Variants in VTI1A observed in about 807,000 individuals in gnomAD.
The protein encoded by VTI1A is vesicle transport through interaction with t-SNAREs 1A, also known as vesicle transport through interaction with t-SNAREs homolog 1A.
VTI1A carries 22 observed loss-of-function variants against 34.9 expected under a neutral mutation model. That is an observed-to-expected ratio of 0.63 (90% CI 0.45 to 0.90). VTI1A has a LOEUF of 0.90. VTI1A is among the 40% of genes least tolerant of loss of function. The probability of loss-of-function intolerance (pLI) is 0.00; values close to 1 mark genes in which losing one functional copy is unlikely to be tolerated. For missense variants in VTI1A, 268 were observed against 275.6 expected (o/e 0.97, Z 0.20); for synonymous variants, 87 against 97.3 (o/e 0.89, Z 0.62).
chr10:112,746,020 G>C (rs1265285580), intron 7 of VTI1A, among the ~76,000 whole-genome samples: 1 of 152,112 alleles, frequency 6.6e-6, no homozygotes, highest in Non-Finnish European at 1.5e-5. Flanking sequence ...CCACCTTAGT[G>C]CTCAGTAAGT....
chr10:112,686,300 T>C lies in VTI1A; in HGVS notation c.560+17302T>C, dbSNP rs146209028. Among the ~76,000 whole-genome samples, 717 of 152,316 alleles carry C rather than the reference T, an allele frequency of 4.7e-3. 4 individuals carry two copies. Among genetic ancestry groups the C allele is most frequent in the Middle Eastern group, 0.014 (4 of 292 alleles). On this transcript the variant is annotated intron_variant, in intron 7 of 7. Transcript: ENST00000393077. ...TCCTAGGCTCTGGCAGTTTGTGATG[T>C]AAGTTTTGGTGGTGTAAATTTTCAT...
At chr10:112,461,835 A>C (rs542509871) in intron 2 of VTI1A, among the ~76,000 whole-genome samples, 1 of 152,318 alleles carries the variant, frequency 6.6e-6, no homozygotes, top group Admixed American at 6.5e-5. Context: ...CTCATGCCTC[A>C]GTGCTCCAAG....
At chr10:112,706,845 C>A (rs2133911542) in intron 7 of VTI1A, among the ~76,000 whole-genome samples, 1 of 152,300 alleles carries the variant, frequency 6.6e-6, no homozygotes, top group East Asian at 1.9e-4. Flanking sequence ...ACCCCAGAAA[C>A]AGACCAGCAG....
rs898960010 is a variant in VTI1A at position 112,802,434 on chromosome 10, G to A, written c.561-12856G>A. Among the ~76,000 whole-genome samples the A allele has an allele frequency of 4.6e-5, 7 of 152,106 alleles. No homozygotes were observed. In the South Asian group the frequency reaches 6.2e-4, roughly 14 times the overall value. On this transcript the variant is annotated intron_variant, in intron 7 of 7. Coordinates refer to ENST00000393077, the MANE Select transcript of VTI1A (RefSeq NM_145206.4). Reference sequence around the variant, plus strand: ...GGCTGGAGAAGTGGGTTGAGGCTTCGGTTTCCTCCTCTGTAAAAATGGGGA... The same window carrying A: ...GGCTGGAGAAGTGGGTTGAGGCTTCAGTTTCCTCCTCTGTAAAAATGGGGA...
the VTI1A span, among the ~76,000 whole-genome samples, chr10:112,828,045 A>T: frequency 6.6e-6 from 1 of 152,106 alleles, no homozygotes; most frequent in Admixed American, 6.5e-5. Flanking sequence ...AGTTTCCTCT[A>T]CTGTAAAGCA....
intron 5 of VTI1A, among the ~76,000 whole-genome samples, chr10:112,629,460 C>T (rs1004715812): frequency 6.6e-6 from 1 of 152,184 alleles, no homozygotes; most frequent in South Asian, 2.1e-4. Flanking sequence ...TCTGGGATTT[C>T]CCCCACATTG....
At chr10:112,725,144 C>T (rs1484644829) in intron 7 of VTI1A, among the ~76,000 whole-genome samples, 1 of 152,198 alleles carries the variant, frequency 6.6e-6, no homozygotes, top group Admixed American at 6.5e-5. Flanking sequence ...AATCAGGCTG[C>T]AAACACAGTA....
At chr10:112,656,483 G>A (rs1590034309) in intron 5 of VTI1A, among the ~76,000 whole-genome samples, 1 of 142,540 alleles carries the variant, frequency 7.0e-6, no homozygotes, top group Admixed American at 7.2e-5. Context: ...TCAGCCTTCT[G>A]AGTAACTGGG....
intron 5 of VTI1A, among the ~76,000 whole-genome samples, chr10:112,601,753 T>C (rs1256956829): frequency 6.6e-6 from 1 of 152,212 alleles, no homozygotes; most frequent in Non-Finnish European, 1.5e-5. Context: ...GGGGATGCCA[T>C]GTGCTCTGAG....
At chr10:112,704,046 G>A (rs1404154626) in intron 7 of VTI1A, among the ~76,000 whole-genome samples, 1 of 152,014 alleles carries the variant, frequency 6.6e-6, no homozygotes, top group African/African-American at 2.4e-5. Flanking sequence ...CTTTTAATTT[G>A]TTATATCCCA....
chr10:112,726,780 G>A (rs1189880314), intron 7 of VTI1A, among the ~76,000 whole-genome samples: 1 of 152,154 alleles, frequency 6.6e-6, no homozygotes, highest in Non-Finnish European at 1.5e-5. Flanking sequence ...TCATAGACTA[G>A]ATCCTGATGT....
intron 5 of VTI1A, among the ~76,000 whole-genome samples, chr10:112,591,491 G>A (rs1251598098): frequency 1.3e-5 from 2 of 150,686 alleles, no homozygotes; most frequent in African/African-American, 4.9e-5. Flanking sequence ...CTGCACTCCA[G>A]CCTGGGTGAC....
At chr10:112,630,069 T>G (rs1214239972) in intron 5 of VTI1A, among the ~76,000 whole-genome samples, 1 of 152,222 alleles carries the variant, frequency 6.6e-6, no homozygotes, top group Non-Finnish European at 1.5e-5. Context: ...TTTCTCGAAA[T>G]GCCCACTTCG....
At chr10:112,836,828 G>A in the VTI1A span, among the ~76,000 whole-genome samples, 1 of 152,328 alleles carries the variant, frequency 6.6e-6, no homozygotes, top group East Asian at 1.9e-4. Context: ...CTGAGCTAAA[G>A]TAGAAACCAT....
chr10:112,708,123 C>T (rs959406657), intron 7 of VTI1A, among the ~76,000 whole-genome samples: 3 of 152,204 alleles, frequency 2.0e-5, no homozygotes, highest in Admixed American at 6.5e-5. Flanking sequence ...CTCATTGCTT[C>T]TCACTGGTAT....
At chr10:112,723,695 G>A (rs865873372) in intron 7 of VTI1A, among the ~76,000 whole-genome samples, 6 of 152,188 alleles carry the variant, frequency 3.9e-5, no homozygotes, top group Non-Finnish European at 7.3e-5. Context: ...CGTTTAAAAA[G>A]TAAATATAAT....
At chr10:112,605,293 G>A (rs917189742) in intron 5 of VTI1A, among the ~76,000 whole-genome samples, 1 of 152,178 alleles carries the variant, frequency 6.6e-6, no homozygotes, top group Non-Finnish European at 1.5e-5. Context: ...ATCTGGGGAA[G>A]TTGAACCACA....
At chr10:112,770,673 T>C (rs1489473695) in intron 7 of VTI1A, among the ~76,000 whole-genome samples, 8 of 152,050 alleles carry the variant, frequency 5.3e-5, no homozygotes, top group Admixed American at 3.3e-4. Flanking sequence ...CCCAAAGTGC[T>C]GGGATTACAG....
At chr10:112,568,466 C>T (rs912497050) in intron 5 of VTI1A, among the ~76,000 whole-genome samples, 1 of 151,834 alleles carries the variant, frequency 6.6e-6, no homozygotes, top group Non-Finnish European at 1.5e-5. Flanking sequence ...GAGATCGCGC[C>T]ACTGCACTAC....
Sources: allele counts gnomAD v4.1 joint callset (sites outside exome capture counted in the v4.1 genomes callset), GRCh38; gene constraint gnomAD v4.1.1; transcripts MANE v1.5; gene names NCBI Gene and HGNC (gene_info 2026-07-23, HGNC 2026-07-21).